MB21D2: variants seen among roughly 807,000 people sequenced by gnomAD.
MB21D2 encodes nucleotidyltransferase MB21D2.
Under a neutral mutation model 33.3 loss-of-function variants are expected in MB21D2, and 9 were observed. The observed-to-expected ratio is 0.27, with a 90% CI of 0.16 to 0.47. The LOEUF (loss-of-function observed/expected upper bound fraction) is 0.47. Among genes scored for constraint, MB21D2 ranks in the 20% least tolerant of loss-of-function variants. MB21D2 has a pLI of 0.99. For synonymous variants in MB21D2, 241 were observed against 236.3 expected (o/e 1.02, Z -0.18); for missense variants, 540 against 624.6 (o/e 0.86, Z 1.44).
At chr3:192,840,671 G>A (rs1262413685) in intron 1 of MB21D2, among the ~76,000 whole-genome samples, 2 of 152,098 alleles carry the variant, frequency 1.3e-5, no homozygotes, top group Non-Finnish European at 2.9e-5. Flanking sequence ...GAAAAAAACT[G>A]CTAAAACATG....
At chr3:192,901,413 CAAAAAAAAAAAA>C (rs71635401) in intron 1 of MB21D2, among the ~76,000 whole-genome samples, 8 of 100,888 alleles carry the variant, frequency 7.9e-5, no homozygotes, top group Admixed American at 1.1e-4. Context: ...ACTAAAAATT[CAAAAAAAAAAAA>C]AAAAAAAAAG....
At chr3:192,863,045 A>G (rs1298095810) in intron 1 of MB21D2, among the ~76,000 whole-genome samples, 1 of 152,186 alleles carries the variant, frequency 6.6e-6, no homozygotes, top group Non-Finnish European at 1.5e-5. Context: ...CCATCTCTTA[A>G]TACTACAGCA....
At chr3:192,902,686 T>C (rs1714127874) in intron 1 of MB21D2, among the ~76,000 whole-genome samples, 2 of 152,172 alleles carry the variant, frequency 1.3e-5, no homozygotes, top group Non-Finnish European at 2.9e-5. Context: ...TCTAATTCTT[T>C]GAATCCTATT....
At chr3:192,819,144 C>T (rs1711989907) in intron 1 of MB21D2, among the ~76,000 whole-genome samples, 1 of 152,062 alleles carries the variant, frequency 6.6e-6, no homozygotes, top group Non-Finnish European at 1.5e-5. Context: ...GAGGGAGAGG[C>T]CATCCGGGGG....
intron 1 of MB21D2, among the ~76,000 whole-genome samples, chr3:192,870,114 T>C (rs1713258797): frequency 6.6e-6 from 1 of 152,146 alleles, no homozygotes; most frequent in African/African-American, 2.4e-5. Flanking sequence ...CACGACTGCT[T>C]AGACACACAA....
At chr3:192,863,104 C>T (rs1034611371) in intron 1 of MB21D2, among the ~76,000 whole-genome samples, 3 of 152,106 alleles carry the variant, frequency 2.0e-5, no homozygotes, top group African/African-American at 7.2e-5. Context: ...ACAAACATTC[C>T]AAACCATAGC....
At chr3:192,907,934 A>G (rs1714248135) in intron 1 of MB21D2, among the ~76,000 whole-genome samples, 1 of 152,188 alleles carries the variant, frequency 6.6e-6, no homozygotes, top group South Asian at 2.1e-4. Context: ...CGGGGTCCAC[A>G]AGGAAGGGAA....
chr3:192,894,240 T>C (rs1213200229), intron 1 of MB21D2, among the ~76,000 whole-genome samples: 3 of 152,026 alleles, frequency 2.0e-5, no homozygotes, highest in Non-Finnish European at 2.9e-5. Context: ...GCGATTCTCC[T>C]GCCTCAGCCT....
rs141566474 is a variant in MB21D2, at chr3:192,915,748, A to T, written c.211+1882T>A. 7.7e-4 allele frequency among the ~76,000 whole-genome samples: 118 copies of T among 152,318 alleles called. 1 individual carries two copies. The highest frequency in any genetic ancestry group is 2.6e-3 in the African/African-American group (110 of 41,574). On this transcript the variant is annotated intron_variant, in intron 1 of 1. Coordinates refer to ENST00000392452, the MANE Select transcript of MB21D2 (RefSeq NM_178496.4). ...GATAAAAGCTTTGCTGATTCAGTGT[A>T]TCAGCTTTGGAGTTAAGCACAGAAG...
At chr3:192,895,490 T>G (rs1188848800) in intron 1 of MB21D2, among the ~76,000 whole-genome samples, 1 of 152,216 alleles carries the variant, frequency 6.6e-6, no homozygotes, top group Non-Finnish European at 1.5e-5. Flanking sequence ...AACGACTCAC[T>G]GCAGAGAGGC....
In MB21D2 at chr3:192,798,364, A is replaced by G. The variant is rs777430540; in HGVS notation, c.*22T>C. Reference sequence around the variant, plus strand: ...ACATTATCAGAGTTTAAGAATCAGGAAAAAAAAAAGTCAGCTAACACTCAG... The same window carrying G: ...ACATTATCAGAGTTTAAGAATCAGGGAAAAAAAAAGTCAGCTAACACTCAG... On this transcript the variant is annotated 3_prime_UTR_variant, in exon 2 of 2. Coordinates refer to ENST00000392452, the MANE Select transcript of MB21D2 (RefSeq NM_178496.4). The surrounding 1 kb of genome is among the most constrained non-coding windows in gnomAD (Gnocchi z 4.8). 2.7e-6 allele frequency: 4 copies of G among 1,491,300 alleles called. No individual in the cohort carries two copies. The highest frequency in any genetic ancestry group is 2.7e-6 in the Non-Finnish European group (3 of 1,091,028). The allele number at this position is 1,491,300 out of a possible 1,614,324, so 92.4% of individuals were successfully genotyped here.
intron 1 of MB21D2, among the ~76,000 whole-genome samples, chr3:192,895,650 T>A: frequency 6.6e-6 from 1 of 152,232 alleles, no homozygotes; most frequent in South Asian, 2.1e-4. Flanking sequence ...CTGGAAAATC[T>A]AGCTTTTGTT....
intron 1 of MB21D2, among the ~76,000 whole-genome samples, chr3:192,887,419 C>CA (rs762090485): frequency 3.9e-5 from 6 of 152,038 alleles, no homozygotes; most frequent in Non-Finnish European, 7.4e-5. Context: ...ATTGATTGCA[C>CA]AAAAATGTGA....
At chr3:192,862,088 G>A (rs574348397) in intron 1 of MB21D2, among the ~76,000 whole-genome samples, 18 of 152,176 alleles carry the variant, frequency 1.2e-4, no homozygotes, top group Admixed American at 2.0e-4. Context: ...TTTCAAGAGT[G>A]TGCTTTGGCG....
chr3:192,907,928 G>T (rs1714248032), intron 1 of MB21D2, among the ~76,000 whole-genome samples: 1 of 152,138 alleles, frequency 6.6e-6, no homozygotes. Flanking sequence ...AAACACCGGG[G>T]TCCACAAGGA....
chr3:192,862,662 C>T (rs1040117548), intron 1 of MB21D2, among the ~76,000 whole-genome samples: 1 of 152,128 alleles, frequency 6.6e-6, no homozygotes, highest in Non-Finnish European at 1.5e-5. Flanking sequence ...GGTGCTCACA[C>T]TGAATTAAGG....
chr3:192,825,731 CTG>C (rs1209793401), intron 1 of MB21D2, among the ~76,000 whole-genome samples: 1 of 152,198 alleles, frequency 6.6e-6, no homozygotes, highest in Non-Finnish European at 1.5e-5. Context: ...TCTCTCCCTT[CTG>C]TGTTTCTCCA....
At chr3:192,809,040 G>A (rs753395745) in intron 1 of MB21D2, among the ~76,000 whole-genome samples, 1 of 152,042 alleles carries the variant, frequency 6.6e-6, no homozygotes, top group Admixed American at 6.5e-5. Context: ...CAGGCCAAAT[G>A]CTTACCTGTG....
chr3:192,804,706 C>T (rs1250148818), intron 1 of MB21D2, among the ~76,000 whole-genome samples: 3 of 151,992 alleles, frequency 2.0e-5, no homozygotes, highest in Middle Eastern at 3.2e-3. Flanking sequence ...GAAGGGTACA[C>T]GGTGTGATGA....
Sources: allele counts gnomAD v4.1 joint callset (sites outside exome capture counted in the v4.1 genomes callset), GRCh38; gene constraint gnomAD v4.1.1; non-coding constraint Gnocchi (gnomAD v3.1); transcripts MANE v1.5; gene names NCBI Gene and HGNC (gene_info 2026-07-23, HGNC 2026-07-21).